Variants in CLASP1 observed in about 807,000 individuals in gnomAD.
CLASP1 encodes the protein CLIP-associating protein 1.
CLASP1 carries 38 observed loss-of-function variants against 192.3 expected under a neutral mutation model. The observed-to-expected ratio is 0.20, with a 90% confidence interval of 0.15 to 0.26. The LOEUF is 0.26. Among genes scored for constraint, CLASP1 ranks in the 10% least tolerant of loss-of-function variants. The pLI, the probability that CLASP1 is intolerant of heterozygous loss-of-function variation, is 1.00. For synonymous variants in CLASP1, 691 were observed against 712.8 expected, an observed-to-expected ratio of 0.97 and a Z score of 0.49; for missense variants, 1,433 against 1,932.5, an observed-to-expected ratio of 0.74 and a Z score of 4.85.
chr2:121,388,019 C>T, intron 30 of CLASP1, 113 bp from the exon 32 acceptor site: 1 of 781,424 alleles, frequency 1.3e-6, no homozygotes, highest in Non-Finnish European at 2.0e-6. Context: ...AGAGGGCATT[C>T]TAGGCATCAA....
At chr2:121,473,325 TGATTGA>T (rs1446224058) in intron 8 of CLASP1, among the ~76,000 whole-genome samples, 1 of 152,154 alleles carries the variant, frequency 6.6e-6, no homozygotes, top group Non-Finnish European at 1.5e-5. Flanking sequence ...AAAATTTCAC[TGATTGA>T]GATTAAGTGC....
intron 2 of CLASP1, among the ~76,000 whole-genome samples, chr2:121,574,693 C>T (rs1166225828): frequency 6.7e-6 from 1 of 148,840 alleles, no homozygotes; most frequent in African/African-American, 2.5e-5. Context: ...AATCCCAGCA[C>T]TTTGGGAGGC....
At chr2:121,544,487 C>G (rs1180266019) in intron 2 of CLASP1, among the ~76,000 whole-genome samples, 2 of 147,982 alleles carry the variant, frequency 1.4e-5, no homozygotes. Context: ...AAATTGAAAT[C>G]TGGAAAAACA....
intron 1 of CLASP1, among the ~76,000 whole-genome samples, chr2:121,610,920 G>A (rs1279863807): frequency 7.2e-6 from 1 of 139,794 alleles, no homozygotes; most frequent in Non-Finnish European, 1.6e-5. Context: ...AGGAACTGGA[G>A]GAGGAGGAGG....
chr2:121,629,622 G>A (rs151033181), intron 1 of CLASP1, among the ~76,000 whole-genome samples: 5,280 of 149,768 alleles, frequency 0.035, 154 homozygotes, highest in East Asian at 0.14. Context: ...GAAACCCCAT[G>A]TCTACTAAAA....
chr2:121,392,361 A>C (rs1372308624), intron 30 of CLASP1, among the ~76,000 whole-genome samples: 1 of 152,242 alleles, frequency 6.6e-6, no homozygotes, highest in Non-Finnish European at 1.5e-5. Flanking sequence ...GCAGCAGCAA[A>C]ACCAAAACAA....
At chr2:121,348,817 T>C in intron 37 of CLASP1, 99 bp from the exon 39 acceptor site, 1 of 1,086,726 alleles carries the variant, frequency 9.2e-7, no homozygotes, top group Non-Finnish European at 1.3e-6. Context: ...GACAATGACC[T>C]CAATGTCAGA....
intron 2 of CLASP1, among the ~76,000 whole-genome samples, chr2:121,537,335 T>TC (rs2095114361): frequency 6.6e-6 from 1 of 151,022 alleles, no homozygotes; most frequent in Non-Finnish European, 1.5e-5. Flanking sequence ...GAGGCTGCAG[T>TC]GAGCCGTGAT....
intron 1 of CLASP1, among the ~76,000 whole-genome samples, chr2:121,631,505 C>T (rs1576616894): frequency 6.6e-6 from 1 of 152,036 alleles, no homozygotes; most frequent in Middle Eastern, 3.4e-3. Context: ...CCAGGATGGT[C>T]TCGATCTCTT....
chr2:121,628,809 T>C (rs1329262131), intron 1 of CLASP1, among the ~76,000 whole-genome samples: 4 of 149,918 alleles, frequency 2.7e-5, no homozygotes, highest in Non-Finnish European at 5.9e-5. Context: ...AATCTAAGAA[T>C]GCATCTAAGG....
At chr2:121,474,597 A>G (rs1009552552) in intron 8 of CLASP1, among the ~76,000 whole-genome samples, 3 of 152,116 alleles carry the variant, frequency 2.0e-5, no homozygotes, top group African/African-American at 4.8e-5. Context: ...TTAGCCGGGC[A>G]TGGTGGTGGG....
At chr2:121,404,492 G>C (rs1342938539) in intron 25 of CLASP1, 58 bp from the exon 27 acceptor site, 3 of 1,432,376 alleles carry the variant, frequency 2.1e-6, no homozygotes, top group Non-Finnish European at 2.9e-6. Flanking sequence ...TTTGAGACAG[G>C]GTCTCACTCT....
intron 2 of CLASP1, among the ~76,000 whole-genome samples, chr2:121,587,410 A>G (rs1231233511): frequency 6.6e-6 from 1 of 151,770 alleles, no homozygotes. Flanking sequence ...CCCCTACCAC[A>G]TCCTCCTCTT....
intron 21 of CLASP1, among the ~76,000 whole-genome samples, chr2:121,426,324 GA>G (rs2080373368): frequency 6.6e-6 from 1 of 152,150 alleles, no homozygotes; most frequent in Non-Finnish European, 1.5e-5. Flanking sequence ...AATTGTCCAT[GA>G]AGATCTAATA....
chr2:121,370,006 G>T (rs2068271367), intron 34 of CLASP1, among the ~76,000 whole-genome samples: 1 of 152,112 alleles, frequency 6.6e-6, no homozygotes, highest in South Asian at 2.1e-4. Flanking sequence ...ATTAAATGTT[G>T]TAATTTCTAT....
At chr2:121,615,406 G>T (rs1215797352) in intron 1 of CLASP1, among the ~76,000 whole-genome samples, 1 of 151,966 alleles carries the variant, frequency 6.6e-6, no homozygotes, top group East Asian at 1.9e-4. Flanking sequence ...TGAGGGAGGT[G>T]AAGAGTGGTA....
chr2:121,635,688 T>C (rs2070712263), intron 1 of CLASP1, among the ~76,000 whole-genome samples: 2 of 152,228 alleles, frequency 1.3e-5, no homozygotes, highest in Non-Finnish European at 2.9e-5. Context: ...ACTTCACTAG[T>C]TAACTTCTGG....
At chr2:121,477,965 G>C (rs371438006) in intron 8 of CLASP1, among the ~76,000 whole-genome samples, 9 of 152,238 alleles carry the variant, frequency 5.9e-5, no homozygotes, top group African/African-American at 1.4e-4. Flanking sequence ...ACTGTGCTAA[G>C]TATGTTCTGC....
chr2:121,539,759 G>A (rs2095187208), intron 2 of CLASP1, among the ~76,000 whole-genome samples: 1 of 152,120 alleles, frequency 6.6e-6, no homozygotes, highest in African/African-American at 2.4e-5. Flanking sequence ...ATATATAAAG[G>A]TGCTCTACAA....
Sources: gnomAD v4.1 joint callset for allele counts (sites outside exome capture counted in the v4.1 genomes callset) on GRCh38, gnomAD v4.1.1 for gene constraint, MANE v1.5 for transcripts, NCBI Gene and HGNC (gene_info 2026-07-23, HGNC 2026-07-21) for gene names.